GRK6: variants seen among roughly 807,000 people sequenced by gnomAD.
GRK6 encodes the protein G protein-coupled receptor kinase 6.
A neutral mutation model predicts 80.8 loss-of-function variants in GRK6; 37 were observed. The observed-to-expected ratio is 0.46, with a 90% CI of 0.35 to 0.60. The LOEUF (loss-of-function observed/expected upper bound fraction) is 0.60. GRK6 is among the 20% of genes least tolerant of loss of function. The pLI is 0.00. For missense variants in GRK6, 560 were observed against 784.6 expected (o/e 0.71, Z 3.42); for synonymous variants, 295 against 320.9 (o/e 0.92, Z 0.86).
intron 8 of GRK6, 39 bp from the exon 9 acceptor site, chr5:177,433,875 G>T (rs375632017): frequency 6.6e-7 from 1 of 1,525,018 alleles, no homozygotes; most frequent in East Asian, 2.3e-5. Context: ...CAAGCGCCCC[G>T]CAGCTCCTGC....
At chr5:177,434,852 A>T (rs762721250) in intron 9 of GRK6, 50 bp from the exon 10 acceptor site, 2 of 1,609,026 alleles carry the variant, frequency 1.2e-6, no homozygotes, top group Non-Finnish European at 1.7e-6. Context: ...GCCCCTTCTG[A>T]CTCCCTGGCA....
At chr5:177,434,787 G>C in intron 9 of GRK6, 115 bp from the exon 10 acceptor site, 3 of 1,158,110 alleles carry the variant, frequency 2.6e-6, no homozygotes, top group Non-Finnish European at 2.6e-6. Flanking sequence ...CAGCAAATGA[G>C]TCTCGCACCT....
At position 177,440,763 on chromosome 5, in the gene GRK6, G is replaced by C; in HGVS notation, c.1468G>C (p.Glu490Gln). 6.2e-7 allele frequency: 1 copy of C among 1,614,212 alleles called. No individual in the cohort carries two copies. The highest frequency in any genetic ancestry group is 1.1e-5 in the South Asian group (1 of 91,086). ...IEQFSTVKGV[E>Q]LEPTDQDFYQ... is the part of the protein sequence containing the mutation. ...ACAGTTCTCTACGGTCAAGGGCGTG[G>C]AGCTGGAGCCTACCGACCAGGACTT... The change falls in exon 14 of 16, where the codon GAG becomes CAG. Residue 490 changes from glutamate to glutamine, a missense_variant. Glu to Gln is a conservative substitution (Grantham distance 29). This residue lies in a region of GRK6 where 294 missense variants were observed against 397.4 expected (regional missense o/e 0.74). Coordinates refer to ENST00000355472, the MANE Select transcript of GRK6 (RefSeq NM_001004106.3).
At chr5:177,427,540 G>C (rs77846318) in intron 1 of GRK6, among the ~76,000 whole-genome samples, 10,370 of 152,276 alleles carry the variant, frequency 0.068, 490 homozygotes, top group Non-Finnish European at 0.11. Context: ...CAGAGGTCTG[G>C]CTGGGGAAAC....
At position 177,428,215 on chromosome 5, in the gene GRK6, G is replaced by T. The variant is rs1410111143; in HGVS notation, c.52+1318G>T. ...CTGCCTCGTCATCCAACCAGCCAGGGAGGAGGGGTGGGGAGGGCCGAAACA... is the reference window on the plus strand; with the variant it reads ...CTGCCTCGTCATCCAACCAGCCAGGTAGGAGGGGTGGGGAGGGCCGAAACA... On this transcript the variant is annotated intron_variant, in intron 1 of 15. Transcript: ENST00000355472. This position sits in a 1 kb window ranked among gnomAD's most constrained non-coding sequence, Gnocchi z 4.1. 6.6e-6 allele frequency among the ~76,000 whole-genome samples: 1 copy of T among 152,252 alleles called. No individual in the cohort carries two copies.
Position 177,436,190 on chromosome 5 carries a change from T to A in GRK6, c.1175T>A (p.Ile392Asn). The change falls in exon 12 of 16, where the codon ATC (isoleucine) becomes AAC (asparagine). Residue 392 changes from isoleucine (I) to asparagine (N), a missense_variant. Physicochemically the swap from Ile to Asn is moderately radical, Grantham distance 149. Coordinates refer to ENST00000355472, the MANE Select transcript of GRK6 (RefSeq NM_001004106.3). ...CCCTTCCAGCAGAGGAAGAAGAAGA[T>A]CAAGCGGGAGGAGGTGGAGCGGCTG... ...QSPFQQRKKK[I>N]KREEVERLVK... 1 of 1,614,076 alleles carries A rather than the reference T, an allele frequency of 6.2e-7. No homozygotes were observed. The highest frequency in any genetic ancestry group is 8.5e-7 in the Non-Finnish European group (1 of 1,180,004).
chr5:177,434,406 A>G (rs1764046131), intron 9 of GRK6, among the ~76,000 whole-genome samples: 2 of 152,180 alleles, frequency 1.3e-5, no homozygotes, highest in South Asian at 2.1e-4. Context: ...AGCAGAGACT[A>G]TAATTCCTAC....
intron 1 of GRK6, among the ~76,000 whole-genome samples, chr5:177,430,511 C>T (rs883576): frequency 0.39 from 58,630 of 152,168 alleles, 12,510 homozygotes; most frequent in Non-Finnish European, 0.5. Flanking sequence ...CTCTCCCTCC[C>T]GGGCCTTCTG....
intron 9 of GRK6, 82 bp downstream of exon 9, chr5:177,434,186 C>G: frequency 7.5e-7 from 1 of 1,341,358 alleles, no homozygotes; most frequent in Non-Finnish European, 9.9e-7. Context: ...GTGGCCAAGG[C>G]TGCCGATCAG....
chr5:177,434,075 G>T lies in GRK6; in HGVS notation c.900G>T (p.Glu300Asp). 1 of 1,600,502 alleles carries T rather than the reference G, an allele frequency of 6.2e-7. No homozygotes were observed. Residue 300 changes from glutamate (E) to aspartate (D), a missense_variant, in exon 9 of 16, where the codon GAG becomes GAT. Physicochemically the swap from Glu to Asp is conservative, Grantham distance 45. Around this residue, in one of 3 missense-constraint regions of GRK6, gnomAD observed 294 missense variants for 397.4 expected, o/e 0.74. Coordinates refer to ENST00000355472, the MANE Select transcript of GRK6 (RefSeq NM_001004106.3). ...CCGCCGAGATCTGCTGTGGCCTGGAGGACCTGCACCGGGAGCGCATCGTGT... is the reference window on the plus strand; with the variant it reads ...CCGCCGAGATCTGCTGTGGCCTGGATGACCTGCACCGGGAGCGCATCGTGT... The part of the protein sequence containing the change: ...FYAAEICCGL[E>D]DLHRERIVYR...
intron 11 of GRK6, 116 bp from the exon 12 acceptor site, chr5:177,435,957 C>T: frequency 1.2e-6 from 1 of 843,624 alleles, no homozygotes; most frequent in South Asian, 1.6e-5. Flanking sequence ...GGCCAAGGTC[C>T]CCCCTGGCCA....
rs943327449 is a variant in GRK6, at chr5:177,430,642, G to A, written c.53-230G>A. 2.1e-5 allele frequency: 12 copies of A among 567,516 alleles called. No individual in the cohort carries two copies. In the East Asian group the frequency reaches 2.7e-4, roughly 13 times the overall value. 35.2% of individuals were successfully genotyped at this position (567,516 alleles called of 1,614,324 possible). A position where few individuals can be genotyped will look rare whatever the true frequency, so the allele number is the denominator to read the frequency against. On this transcript the variant is annotated intron_variant, in intron 1 of 15. Transcript: ENST00000355472. ...ACTTGGAACACTGTCCTCCCGCAGC[G>A]ACCTCACTGCCTCTCTTGGCTCTCC...
chr5:177,433,033 C>T (rs887148154), intron 5 of GRK6, 114 bp from the exon 6 acceptor site: 12 of 949,866 alleles, frequency 1.3e-5, no homozygotes, highest in East Asian at 2.5e-5. Context: ...GAGGACTGGC[C>T]GACGACGATA....
rs532758752 is a variant in GRK6 at position 177,433,901 on chromosome 5, C to T, written c.739-13C>T. ...CAGCTCCTGCCTGAGGGCTCGGGTCCCCTCGGCCACAGGTGAGCTTGGCCT... is the reference window on the plus strand; with the variant it reads ...CAGCTCCTGCCTGAGGGCTCGGGTCTCCTCGGCCACAGGTGAGCTTGGCCT... On this transcript the variant is annotated splice_polypyrimidine_tract_variant and intron_variant, in intron 8 of 15. Coordinates refer to ENST00000355472, the MANE Select transcript of GRK6 (RefSeq NM_001004106.3). The T allele has an allele frequency of 3.9e-5, 60 of 1,548,372 alleles. 2 individuals carry two copies. In the South Asian group the frequency reaches 7.0e-4, roughly 18 times the overall value.
intron 1 of GRK6, among the ~76,000 whole-genome samples, chr5:177,430,025 T>G (rs993419583): frequency 5.3e-5 from 8 of 152,092 alleles, no homozygotes; most frequent in Admixed American, 1.3e-4. Flanking sequence ...CAGTGAGTTT[T>G]TTTTTTTTTT....
intron 8 of GRK6, 58 bp from the exon 9 acceptor site, chr5:177,433,856 C>T: frequency 6.7e-7 from 1 of 1,501,458 alleles, no homozygotes; most frequent in Non-Finnish European, 8.9e-7. Flanking sequence ...TTTTGGGCAG[C>T]CCTGCCGCCA....
Position 177,434,956 on chromosome 5 carries a change from G to A in GRK6, c.967+17G>A. 6.2e-7 allele frequency: 1 copy of A among 1,613,520 alleles called. No homozygotes were observed. The highest frequency in any genetic ancestry group is 1.7e-4 in the Middle Eastern group (1 of 5,876). ...ATGACCACGGTGTGTAAGGGTGCCT[G>A]GGGTGGGTCAGGGTGGGGTGAGATG... On this transcript the variant is annotated intron_variant, in intron 10 of 15. Coordinates refer to ENST00000355472, the MANE Select transcript of GRK6 (RefSeq NM_001004106.3).
In GRK6 at chr5:177,436,191, C is replaced by G. The variant is rs1288899529; in HGVS notation, c.1176C>G (p.Ile392Met). 1.2e-6 allele frequency: 2 copies of G among 1,614,080 alleles called. No homozygotes were observed. Among genetic ancestry groups the G allele is most frequent in the Non-Finnish European group, 1.7e-6 (2 of 1,180,044 alleles). The change falls in exon 12 of 16, where the codon ATC becomes ATG. Residue 392 changes from isoleucine (I) to methionine (M), a missense_variant. Around this residue, in one of 3 missense-constraint regions of GRK6, gnomAD observed 294 missense variants for 397.4 expected, o/e 0.74. Transcript: ENST00000355472. ...QSPFQQRKKK[I>M]KREEVERLVK... The stretch of plus-strand genomic sequence containing the variant: ...CCTTCCAGCAGAGGAAGAAGAAGAT[C>G]AAGCGGGAGGAGGTGGAGCGGCTGG...
At chr5:177,432,444 T>G in intron 4 of GRK6, 134 bp downstream of exon 4, 1 of 950,192 alleles carries the variant, frequency 1.1e-6, no homozygotes, top group Non-Finnish European at 1.6e-6. Context: ...GGACAGAGAG[T>G]GCCCTGGAGC....
Sources: gnomAD v4.1 joint callset for allele counts (sites outside exome capture counted in the v4.1 genomes callset) on GRCh38, gnomAD v4.1.1 for gene constraint, gnomAD v4.1.1 regional missense constraint, Gnocchi (gnomAD v3.1) non-coding constraint, MANE v1.5 for transcripts, NCBI Gene and HGNC (gene_info 2026-07-23, HGNC 2026-07-21) for gene names.